TRPM3: variants seen among roughly 807,000 people sequenced by gnomAD.
The protein encoded by TRPM3 is transient receptor potential cation channel subfamily M member 3.
Under a neutral mutation model 181.2 loss-of-function variants are expected in TRPM3, and 77 were observed. That is an observed-to-expected ratio of 0.42 (90% CI 0.35 to 0.51). The LOEUF (loss-of-function observed/expected upper bound fraction) is 0.51. Ranked by LOEUF, TRPM3 falls within the 20% of genes least tolerant of loss-of-function variation. The pLI is 0.01. For synonymous variants in TRPM3, 745 were observed against 796.4 expected, an observed-to-expected ratio of 0.94 and a Z score of 1.09; for missense variants, 1,759 against 2,196.7, an observed-to-expected ratio of 0.80 and a Z score of 3.98.
rs78132011 is a variant in TRPM3, at chr9:70,690,999, T to C, written c.1273-9421A>G. On this transcript the variant is annotated intron_variant, in intron 8 of 25. Transcript: ENST00000677713. ...TGCCAAAGAGACTGACTTCTAGAAA[T>C]GAACATGATGATTTATATGGAGGAG... 6.6e-5 allele frequency among the ~76,000 whole-genome samples: 10 copies of C among 152,234 alleles called. No homozygotes were observed. In the East Asian group the frequency reaches 1.9e-3, roughly 29 times the overall value.
intron 25 of TRPM3, among the ~76,000 whole-genome samples, chr9:70,543,740 C>A (rs1037366676): frequency 3.3e-5 from 5 of 152,168 alleles, no homozygotes; most frequent in African/African-American, 1.2e-4. Flanking sequence ...AGGAATACTG[C>A]TAAATCCTTG....
intron 1 of TRPM3, among the ~76,000 whole-genome samples, chr9:71,031,972 T>TTATATATATATTA (rs1554806565): frequency 0.12 from 79 of 632 alleles, 4 homozygotes; most frequent in African/African-American, 0.18. Flanking sequence ...TATATATATA[T>TTATATATATATTA]TATATATATA....
intron 9 of TRPM3, among the ~76,000 whole-genome samples, chr9:70,653,677 C>CAAAA (rs71507003): frequency 1.1e-3 from 109 of 102,724 alleles, no homozygotes; most frequent in East Asian, 9.4e-3. Flanking sequence ...CTTCCTGTCT[C>CAAAA]AAAAAAAAAA....
chr9:70,776,131 G>A, intron 7 of TRPM3: 1 of 251,150 alleles, frequency 4.0e-6, no homozygotes, highest in East Asian at 7.8e-5. Flanking sequence ...GAGAATCATG[G>A]TCTAGGCCTC....
chr9:70,741,397 A>G (rs553833317), intron 8 of TRPM3, among the ~76,000 whole-genome samples: 1 of 152,324 alleles, frequency 6.6e-6, no homozygotes, highest in Non-Finnish European at 1.5e-5. Flanking sequence ...TACAACCACT[A>G]TGAAAAACAC....
At chr9:71,060,707 T>C (rs1046575891) in intron 1 of TRPM3, among the ~76,000 whole-genome samples, 2 of 152,110 alleles carry the variant, frequency 1.3e-5, no homozygotes, top group African/African-American at 4.8e-5. Flanking sequence ...CAAATCCATA[T>C]GGGACAGGGC....
chr9:70,542,258 G>A (rs768936213), intron 25 of TRPM3, among the ~76,000 whole-genome samples: 1 of 152,138 alleles, frequency 6.6e-6, no homozygotes, highest in Admixed American at 6.5e-5. Context: ...TAAAAATGGA[G>A]ATATATATGG....
chr9:70,754,921 C>A (rs1162902618), intron 8 of TRPM3, among the ~76,000 whole-genome samples: 3 of 152,110 alleles, frequency 2.0e-5, no homozygotes, highest in Middle Eastern at 3.2e-3. Context: ...CATCTCCCCA[C>A]CTCTCTTAGC....
chr9:71,171,038 C>A (rs928106707), intron 1 of TRPM3, among the ~76,000 whole-genome samples: 2 of 152,114 alleles, frequency 1.3e-5, no homozygotes, highest in Non-Finnish European at 1.5e-5. Flanking sequence ...CAGCCCCCCC[C>A]AGGTGCTCCT....
chr9:70,668,692 A>C (rs1451404030), intron 9 of TRPM3, among the ~76,000 whole-genome samples: 1 of 150,946 alleles, frequency 6.6e-6, no homozygotes, highest in South Asian at 2.1e-4. Context: ...AAAAAAAAAA[A>C]AAAAAGAAAC....
intron 22 of TRPM3, among the ~76,000 whole-genome samples, chr9:70,566,456 T>C (rs1564355121): frequency 6.6e-6 from 1 of 152,060 alleles, no homozygotes. Context: ...GAAAGCAGCA[T>C]GTGGAGGCTT....
At chr9:70,649,566 A>G (rs2059350718) in intron 9 of TRPM3, among the ~76,000 whole-genome samples, 1 of 152,204 alleles carries the variant, frequency 6.6e-6, no homozygotes, top group Non-Finnish European at 1.5e-5. Flanking sequence ...CTATCGTTAG[A>G]AAAATGCAAA....
At chr9:71,116,703 A>T (rs1448510032) in intron 1 of TRPM3, among the ~76,000 whole-genome samples, 1 of 152,158 alleles carries the variant, frequency 6.6e-6, no homozygotes, top group Admixed American at 6.5e-5. Context: ...GAGAAAGGAT[A>T]AAAAATAAGA....
chr9:71,383,397 C>T (rs1335890753), intron 1 of TRPM3, among the ~76,000 whole-genome samples: 1 of 152,088 alleles, frequency 6.6e-6, no homozygotes, highest in African/African-American at 2.4e-5. Flanking sequence ...GCATCTTTGA[C>T]CTCTGGCTTT....
intron 1 of TRPM3, among the ~76,000 whole-genome samples, chr9:71,004,490 A>G (rs566215029): frequency 1.3e-5 from 2 of 152,384 alleles, no homozygotes; most frequent in East Asian, 3.9e-4. Context: ...TAACACCACC[A>G]AAAACACCAG....
At chr9:70,582,648 T>C (rs2056187304) in intron 22 of TRPM3, among the ~76,000 whole-genome samples, 1 of 152,188 alleles carries the variant, frequency 6.6e-6, no homozygotes, top group Admixed American at 6.5e-5. Context: ...AAATTAAAAA[T>C]TTAGTTTATT....
At chr9:70,938,734 C>T (rs1026852849) in intron 1 of TRPM3, among the ~76,000 whole-genome samples, 1 of 151,972 alleles carries the variant, frequency 6.6e-6, no homozygotes, top group African/African-American at 2.4e-5. Flanking sequence ...GGGTGGATCA[C>T]GAGGTCAAGA....
chr9:70,954,869 C>T (rs1482435108), intron 1 of TRPM3, among the ~76,000 whole-genome samples: 1 of 152,074 alleles, frequency 6.6e-6, no homozygotes, highest in Non-Finnish European at 1.5e-5. Context: ...CAAAGAGAGT[C>T]GTTTCCAGGA....
intron 8 of TRPM3, among the ~76,000 whole-genome samples, chr9:70,697,885 C>T (rs10120897): frequency 0.51 from 77,211 of 151,942 alleles, 20,477 homozygotes; most frequent in Non-Finnish European, 0.58. Flanking sequence ...GCTACTATCC[C>T]CTCTCCTAGG....
Sources: allele counts gnomAD v4.1 joint callset (sites outside exome capture counted in the v4.1 genomes callset), GRCh38; gene constraint gnomAD v4.1.1; transcripts MANE v1.5; gene names NCBI Gene and HGNC (gene_info 2026-07-23, HGNC 2026-07-21).